The following CSE1L variants were observed in gnomAD, a reference collection of about 807,000 sequenced individuals.
CSE1L encodes exportin-2.
CSE1L carries 24 observed loss-of-function variants against 120.4 expected under a neutral mutation model. That is an observed-to-expected ratio of 0.20 (90% confidence interval 0.14 to 0.28). The LOEUF is 0.28. CSE1L is among the 10% of genes least tolerant of loss of function. CSE1L has a pLI of 1.00. For synonymous variants in CSE1L, 402 were observed against 398.3 expected (o/e 1.01, Z -0.11); for missense variants, 830 against 1,145.2 (o/e 0.72, Z 3.97).
chr20:49,077,101 CACA>C (rs1200955273), intron 13 of CSE1L, 37 bp downstream of exon 13: 1 of 1,248,930 alleles, frequency 8.0e-7, no homozygotes, highest in African/African-American at 1.5e-5. Context: ...TACAGCTTGC[CACA>C]CTATACCTGA....
chr20:49,052,256 T>C (rs6019616), intron 1 of CSE1L, among the ~76,000 whole-genome samples: 15,112 of 152,258 alleles, frequency 0.099, 1,012 homozygotes, highest in African/African-American at 0.19. Flanking sequence ...TGCCAGGTAA[T>C]GCTGAAGGTC....
At chr20:49,076,520 CTTTTTTTTTTT>C (rs35713931) in intron 12 of CSE1L, among the ~76,000 whole-genome samples, 6 of 79,578 alleles carry the variant, frequency 7.5e-5, no homozygotes, top group Admixed American at 1.5e-4. Context: ...CCCTCTCTCT[CTTTTTTTTTTT>C]TTTTTTTTTT....
In CSE1L at chr20:49,058,452, GAT is replaced by G; in HGVS notation, c.-11_-10del. ...TATCCAAACCTTATTTTATATTTTA[GAT>G]CCTATAGCAATGGAACTCAGCGATG... On this transcript the variant is annotated splice_region_variant and 5_prime_UTR_variant, in exon 2 of 25. Transcript: ENST00000262982. 2 of 1,594,928 alleles carry G rather than the reference GAT, an allele frequency of 1.3e-6. No homozygotes were observed. The highest frequency in any genetic ancestry group is 1.7e-6 in the Non-Finnish European group (2 of 1,168,698).
chr20:49,066,104 A>G (rs2091890207), intron 3 of CSE1L, 88 bp from the exon 4 acceptor site: 5 of 1,110,118 alleles, frequency 4.5e-6, no homozygotes, highest in Non-Finnish European at 6.5e-6. Flanking sequence ...AAAATTAGTA[A>G]ATAAAAAAAC....
chr20:49,068,615 A>G (rs1023847534), intron 6 of CSE1L, 100 bp from the exon 7 acceptor site: 9 of 789,984 alleles, frequency 1.1e-5, no homozygotes, highest in Non-Finnish European at 1.9e-5. Flanking sequence ...ATAAATAAGT[A>G]AAATATGAAT....
chr20:49,065,556 G>GT (rs1328498415), intron 3 of CSE1L, among the ~76,000 whole-genome samples: 1 of 142,328 alleles, frequency 7.0e-6, no homozygotes, highest in East Asian at 2.1e-4. Flanking sequence ...CTGACCTTGA[G>GT]TGAGCCATCG....
chr20:49,072,167 A>C, intron 8 of CSE1L, 119 bp from the exon 9 acceptor site: 1 of 1,088,096 alleles, frequency 9.2e-7, no homozygotes, highest in South Asian at 1.6e-5. Context: ...GTAGTTTACA[A>C]TAACTGATTT....
intron 1 of CSE1L, among the ~76,000 whole-genome samples, chr20:49,057,989 C>CT (rs2091822451): frequency 1.3e-5 from 2 of 152,002 alleles, no homozygotes; most frequent in South Asian, 4.2e-4. Context: ...AGGCTGGTCT[C>CT]TTAACTCCTG....
chr20:49,065,136 T>C (rs930737741), intron 3 of CSE1L, among the ~76,000 whole-genome samples: 3 of 142,682 alleles, frequency 2.1e-5, no homozygotes, highest in Admixed American at 1.5e-4. Context: ...CCAGCCTGGG[T>C]GACAGATGGA....
Position 49,046,315 on chromosome 20 carries a change from G to C in CSE1L, c.-120G>C, listed in dbSNP as rs1208875635. On this transcript the variant is annotated 5_prime_UTR_variant, in exon 1 of 25. Transcript: ENST00000262982. ...GCGCTCTGGCCTCAGGCTCGCTGTC[G>C]CGCCATTTTGCCGGGGTTTGAATGT... 3.3e-5 allele frequency: 5 copies of C among 152,360 alleles called. No individual in the cohort carries two copies. Among genetic ancestry groups the C allele is most frequent in the African/African-American group, 4.8e-5 (2 of 41,478 alleles). 9.4% of individuals were successfully genotyped at this position (152,360 alleles called of 1,614,324 possible).
chr20:49,094,981 G>T lies in CSE1L; in HGVS notation c.2826+18G>T. The T allele has an allele frequency of 6.3e-7, 1 of 1,593,040 alleles. No individual in the cohort carries two copies. Among genetic ancestry groups the T allele is most frequent in the Non-Finnish European group, 8.6e-7 (1 of 1,161,474 alleles). On this transcript the variant is annotated intron_variant, in intron 24 of 24. Transcript: ENST00000262982. ...CAGGAAGGGTAAGTGTGTTGTCAAA[G>T]AACTCTGTGATAAATGGAGACTTTA...
chr20:49,086,573 C>G (rs976988326), intron 16 of CSE1L, among the ~76,000 whole-genome samples: 2 of 151,932 alleles, frequency 1.3e-5, no homozygotes, highest in Admixed American at 6.6e-5. Context: ...GCATGTTGGT[C>G]AGGCTGGTCT....
chr20:49,085,036 C>G (rs534488291), intron 15 of CSE1L, among the ~76,000 whole-genome samples: 78 of 152,270 alleles, frequency 5.1e-4, no homozygotes, highest in African/African-American at 1.8e-3. Flanking sequence ...ACAACTGTTT[C>G]AACTTCAGAT....
chr20:49,055,530 A>G (rs577806656), intron 1 of CSE1L, among the ~76,000 whole-genome samples: 163 of 152,246 alleles, frequency 1.1e-3, no homozygotes, highest in African/African-American at 3.6e-3. Flanking sequence ...CAGCCTGCGC[A>G]ATATGGTGAA....
intron 5 of CSE1L, 103 bp downstream of exon 5, chr20:49,066,613 T>A: frequency 9.4e-7 from 1 of 1,061,690 alleles, no homozygotes; most frequent in Non-Finnish European, 1.3e-6. Context: ...TTGAATCTGA[T>A]CATCTTGGAA....
intron 7 of CSE1L, among the ~76,000 whole-genome samples, chr20:49,069,810 A>G (rs908266163): frequency 6.6e-6 from 1 of 152,248 alleles, no homozygotes; most frequent in African/African-American, 2.4e-5. Flanking sequence ...ACTATGCCAC[A>G]AGAAATCAGT....
intron 1 of CSE1L, among the ~76,000 whole-genome samples, chr20:49,055,832 G>C (rs780356456): frequency 7.9e-5 from 12 of 152,102 alleles, no homozygotes; most frequent in Non-Finnish European, 7.4e-5. Flanking sequence ...TCACCGAGAT[G>C]TTATCACTGT....
chr20:49,049,294 C>G (rs2091746666), intron 1 of CSE1L, among the ~76,000 whole-genome samples: 1 of 151,980 alleles, frequency 6.6e-6, no homozygotes, highest in Admixed American at 6.6e-5. Flanking sequence ...GTCTATCCTC[C>G]TACCTCAGCC....
At chr20:49,066,131 A>G in intron 3 of CSE1L, 61 bp from the exon 4 acceptor site, 1 of 1,363,680 alleles carries the variant, frequency 7.3e-7, no homozygotes, top group Non-Finnish European at 1.0e-6. Flanking sequence ...GTTTTACCTA[A>G]AATCATGTGG....
Sources: gnomAD v4.1 joint callset for allele counts (sites outside exome capture counted in the v4.1 genomes callset) on GRCh38, gnomAD v4.1.1 for gene constraint, MANE v1.5 for transcripts, NCBI Gene and HGNC (gene_info 2026-07-23, HGNC 2026-07-21) for gene names.